Variants in LRRC56 observed in about 807,000 individuals in gnomAD.
LRRC56 encodes leucine-rich repeat-containing protein 56.
In LRRC56, 41 loss-of-function variants were observed where a neutral mutation model predicts 47.8. The observed-to-expected ratio is 0.86, with a 90% CI of 0.67 to 1.11. The LOEUF (loss-of-function observed/expected upper bound fraction) is 1.11. Among genes scored for constraint, LRRC56 ranks in the 50% most tolerant of loss-of-function variants. The probability of loss-of-function intolerance (pLI) is 0.00; values close to 1 mark genes in which losing one functional copy is unlikely to be tolerated. For missense variants in LRRC56, 759 were observed against 704.2 expected (o/e 1.08, Z -0.88); for synonymous variants, 387 against 311.2 (o/e 1.24, Z -2.56).
chr11:511,746 C>G, the LRRC56 span, among the ~76,000 whole-genome samples: 1 of 152,230 alleles, frequency 6.6e-6, no homozygotes, highest in Non-Finnish European at 1.5e-5. Flanking sequence ...GTGACCCTCT[C>G]CTTCCCTCCT....
the LRRC56 span, chr11:532,385 G>A: frequency 3.4e-6 from 2 of 591,084 alleles, no homozygotes; most frequent in Non-Finnish European, 6.0e-6. Flanking sequence ...GGGAGGGTCT[G>A]CAGTCACCTC....
At chr11:513,878 C>T in the LRRC56 span, among the ~76,000 whole-genome samples, 5 of 152,032 alleles carry the variant, frequency 3.3e-5, no homozygotes, top group Admixed American at 3.3e-4. Flanking sequence ...CAGCCACCAC[C>T]ACCCTGATCA....
chr11:542,602 A>AAC (rs1851854915), intron 5 of LRRC56, among the ~76,000 whole-genome samples: 1 of 149,878 alleles, frequency 6.7e-6, no homozygotes, highest in African/African-American at 2.5e-5. Flanking sequence ...AAAAAAAAAA[A>AAC]AACACTCCCT....
At chr11:533,646 G>A (rs45467697), upstream of LRRC56, 42 of 1,613,238 alleles carry the variant, frequency 2.6e-5, no homozygotes, top group Admixed American at 5.0e-5. Flanking sequence ...GGCTACGGGG[G>A]CTGCAGGCGC....
rs777391521 is a variant in LRRC56 at position 554,264 on chromosome 11, C to G, written c.1617C>G (p.Pro539=). The G allele has an allele frequency of 1.3e-6, 2 of 1,492,780 alleles. No individual in the cohort carries two copies. Among genetic ancestry groups the G allele is most frequent in the Non-Finnish European group, 1.8e-6 (2 of 1,125,556 alleles). The allele number at this position is 1,492,780 out of a possible 1,614,324, so 92.5% of individuals were successfully genotyped here. Residue 539 remains proline, a synonymous_variant, in exon 14 of 14, where the codon CCC becomes CCG. Transcript: ENST00000270115. The part of the protein sequence containing the change: ...PRAAELSHPS[P]VPT ...CAGCTGAACTCTCTCACCCCAGCCC[C>G]GTCCCCACTTAATATAGCCCCCACT...
At chr11:519,044 C>CTCCCGTGTG in the LRRC56 span, among the ~76,000 whole-genome samples, 3 of 150,774 alleles carry the variant, frequency 2.0e-5, no homozygotes, top group East Asian at 5.8e-4. Flanking sequence ...GCGAGGGCAG[C>CTCCCGTGTG]TCCCGTGTGT....
chr11:533,279 C>G (rs371117417), upstream of LRRC56: 1 of 1,586,686 alleles, frequency 6.3e-7, no homozygotes, highest in Non-Finnish European at 8.5e-7. Flanking sequence ...AGACTTACAG[C>G]GCGAGGGGCC....
intron 4 of LRRC56, 41 bp downstream of exon 4, chr11:540,902 G>C: frequency 6.9e-7 from 1 of 1,455,522 alleles, no homozygotes; most frequent in Non-Finnish European, 9.2e-7. Context: ...AGAGGCCTCC[G>C]TGGGGTGACA....
intron 5 of LRRC56, among the ~76,000 whole-genome samples, chr11:542,604 A>AAAAAC (rs1851855139): frequency 6.8e-6 from 1 of 148,030 alleles, no homozygotes; most frequent in African/African-American, 2.5e-5. Flanking sequence ...AAAAAAAAAA[A>AAAAAC]CACTCCCTCC....
At chr11:534,387 G>A, upstream of LRRC56, 1 of 1,372,678 alleles carries the variant, frequency 7.3e-7, no homozygotes, top group Non-Finnish European at 1.0e-6. Context: ...TGCCAAGGAG[G>A]GCCCTGCTCA....
chr11:546,422 G>A (rs985264739), intron 6 of LRRC56, among the ~76,000 whole-genome samples: 2 of 152,072 alleles, frequency 1.3e-5, no homozygotes, highest in Non-Finnish European at 1.5e-5. Context: ...CAAAAAATTA[G>A]CCGGGCGTGG....
At position 542,245 on chromosome 11, in the gene LRRC56, C is replaced by T. The variant is rs1851831631; in HGVS notation, c.265+621C>T. On this transcript the variant is annotated intron_variant, in intron 5 of 13. Coordinates refer to ENST00000270115, the MANE Select transcript of LRRC56 (RefSeq NM_198075.4). Reference sequence around the variant, plus strand: ...CCGGCACGCTCAGTGCCCCACACACCCACGCCAGCATCACAGAGGAACAAA... The same window carrying T: ...CCGGCACGCTCAGTGCCCCACACACTCACGCCAGCATCACAGAGGAACAAA... 1.3e-5 allele frequency among the ~76,000 whole-genome samples: 2 copies of T among 152,106 alleles called. 1 individual carries two copies. Among genetic ancestry groups the T allele is most frequent in the South Asian group, 4.1e-4 (2 of 4,834 alleles).
At chr11:515,231 G>A in the LRRC56 span, among the ~76,000 whole-genome samples, 1 of 152,040 alleles carries the variant, frequency 6.6e-6, no homozygotes, top group Admixed American at 6.6e-5. Context: ...CACGAATGAT[G>A]GGATGGGAGG....
chr11:520,462 G>T, the LRRC56 span, among the ~76,000 whole-genome samples: 5 of 151,670 alleles, frequency 3.3e-5, no homozygotes, highest in Non-Finnish European at 5.9e-5. Flanking sequence ...CTGGGATTAC[G>T]TGCGCCACCA....
intron 13 of LRRC56, 47 bp downstream of exon 13, chr11:552,749 A>G: frequency 6.5e-7 from 1 of 1,537,746 alleles, no homozygotes; most frequent in South Asian, 1.2e-5. Context: ...AGTGACCAAC[A>G]CCCCACTTCT....
chr11:536,085 G>A (rs1438908291), upstream of LRRC56, among the ~76,000 whole-genome samples: 1 of 152,204 alleles, frequency 6.6e-6, no homozygotes, highest in Non-Finnish European at 1.5e-5. Context: ...TGGAGCGGCC[G>A]CGCACCCCAC....
the LRRC56 span, among the ~76,000 whole-genome samples, chr11:525,656 G>A: frequency 6.6e-6 from 1 of 152,128 alleles, no homozygotes; most frequent in Non-Finnish European, 1.5e-5. Context: ...AATACTTAGA[G>A]AGGCTGAGGC....
intron 9 of LRRC56, 81 bp from the exon 10 acceptor site, chr11:551,570 G>T (rs1852392229): frequency 6.9e-7 from 1 of 1,456,878 alleles, no homozygotes; most frequent in Non-Finnish European, 9.2e-7. Flanking sequence ...CATGGGGATT[G>T]GGGCCCCTGG....
At chr11:532,015 C>T in the LRRC56 span, among the ~76,000 whole-genome samples, 1 of 152,226 alleles carries the variant, frequency 6.6e-6, no homozygotes, top group Non-Finnish European at 1.5e-5. Flanking sequence ...ACAGTAAGCT[C>T]TCTGTCCTTA....
Sources: gnomAD v4.1 joint callset for allele counts (sites outside exome capture counted in the v4.1 genomes callset) on GRCh38, gnomAD v4.1.1 for gene constraint, MANE v1.5 for transcripts, NCBI Gene and HGNC (gene_info 2026-07-23, HGNC 2026-07-21) for gene names.